PKHD1L1: variants seen among roughly 807,000 people sequenced by gnomAD.
PKHD1L1 encodes PKHD1 like 1.
Under a neutral mutation model 462.9 loss-of-function variants are expected in PKHD1L1, and 434 were observed. The ratio of observed to expected loss-of-function variants is 0.94; its 90% CI spans 0.87 to 1.02. PKHD1L1 has a LOEUF of 1.02. PKHD1L1 is among the 50% of genes least tolerant of loss of function. The pLI is 0.00. For synonymous variants in PKHD1L1, 1,781 were observed against 1,750.0 expected, an observed-to-expected ratio of 1.02 and a Z score of -0.44; for missense variants, 5,202 against 5,096.1, an observed-to-expected ratio of 1.02 and a Z score of -0.63.
chr8:109,536,478 AT>A lies in PKHD1L1; in HGVS notation c.*6391del, dbSNP rs2131078471. Among the ~76,000 whole-genome samples, 1 of 152,328 alleles carries A rather than the reference AT, an allele frequency of 6.6e-6. No individual in the cohort carries two copies. Among genetic ancestry groups the A allele is most frequent in the East Asian group, 1.9e-4 (1 of 5,190 alleles). On this transcript the variant is annotated 3_prime_UTR_variant, in exon 78 of 78. Transcript: ENST00000378402. ...ATGTTGGTTGTATGAATTTCAATAC[AT>A]TTACTGTTAGAAATAACAAAAGGTC...
In PKHD1L1 at chr8:109,536,963, T is replaced by C. The variant is rs919937323; in HGVS notation, c.*6873T>C. ...ATTTTGAGTATTAAAAAAGAAGTTA[T>C]AATTTTCCAGAATATTAATGTTTAT... On this transcript the variant is annotated 3_prime_UTR_variant, in exon 78 of 78. Coordinates refer to ENST00000378402, the MANE Select transcript of PKHD1L1 (RefSeq NM_177531.6). 2.6e-5 allele frequency among the ~76,000 whole-genome samples: 4 copies of C among 152,234 alleles called. No homozygotes were observed. Among genetic ancestry groups the C allele is most frequent in the African/African-American group, 7.2e-5 (3 of 41,468 alleles).
rs1299943089 is a variant in PKHD1L1, at chr8:109,498,391, G to A, written c.10600-71G>A. ...GCTGGGATTACAGGCGTGAGCCACC[G>A]CGCCCGGCCCATGTTTTCTTTTAGT... is the stretch of plus-strand genomic sequence containing the variant. On this transcript the variant is annotated intron_variant, in intron 65 of 77. Transcript: ENST00000378402. 8.9e-5 allele frequency: 42 copies of A among 471,498 alleles called. 8 individuals carry two copies. The highest frequency in any genetic ancestry group is 5.9e-4 in the Middle Eastern group (1 of 1,702). The allele number at this position is 471,498 out of a possible 1,614,324, so 29.2% of individuals were successfully genotyped here. A position where few individuals can be genotyped will look rare whatever the true frequency, so the allele number is the denominator to read the frequency against.
Position 109,400,255 on chromosome 8 carries a change from G to A in PKHD1L1, c.1192G>A (p.Ala398Thr), listed in dbSNP as rs1813204777. Reference sequence around the variant, plus strand: ...TGCACGCTTTAGTGGATTTTTGGTGGCTCCAGATTCTGATGTTTATAGATT... The same window carrying A: ...TGCACGCTTTAGTGGATTTTTGGTGACTCCAGATTCTGATGTTTATAGATT... ...FVARFSGFLV[A>T]PDSDVYRFYI... The change falls in exon 13 of 78, where the codon GCT (alanine) becomes ACT (threonine). Residue 398 changes from alanine to threonine, a missense_variant. By Grantham distance (58) the Ala-to-Thr change is moderately conservative (BLOSUM62 0). This residue lies in a region of PKHD1L1 where 4,497 missense variants were observed against 4,336.8 expected (regional missense o/e 1.04). Coordinates refer to ENST00000378402, the MANE Select transcript of PKHD1L1 (RefSeq NM_177531.6). The A allele has an allele frequency of 6.2e-7, 1 of 1,613,630 alleles. No individual in the cohort carries two copies. Among genetic ancestry groups the A allele is most frequent in the Non-Finnish European group, 8.5e-7 (1 of 1,179,672 alleles).
chr8:109,437,575 T>C (rs1476599159), intron 30 of PKHD1L1, among the ~76,000 whole-genome samples: 1 of 146,364 alleles, frequency 6.8e-6, no homozygotes, highest in African/African-American at 2.5e-5. Context: ...GAGACTCTGG[T>C]TTCCTTATTA....
At position 109,497,076 on chromosome 8, in the gene PKHD1L1, G is replaced by T. The variant is rs767835100; in HGVS notation, c.10476+9G>T. ...ATGGAATTTATTTTCAGGTAATTATGATTAAAGATGGTGATTGTTTATTTT... is the reference window on the plus strand; with the variant it reads ...ATGGAATTTATTTTCAGGTAATTATTATTAAAGATGGTGATTGTTTATTTT... On this transcript the variant is annotated intron_variant, in intron 64 of 77. Coordinates refer to ENST00000378402, the MANE Select transcript of PKHD1L1 (RefSeq NM_177531.6). The T allele has an allele frequency of 6.2e-7, 1 of 1,612,890 alleles. No homozygotes were observed. The highest frequency in any genetic ancestry group is 8.5e-7 in the Non-Finnish European group (1 of 1,179,236).
At chr8:109,430,084 C>A in intron 27 of PKHD1L1, 47 bp downstream of exon 27, 1 of 1,222,962 alleles carries the variant, frequency 8.2e-7, no homozygotes, top group Non-Finnish European at 1.2e-6. Flanking sequence ...AGATAATCAG[C>A]AAAATGTAAA....
Position 109,399,934 on chromosome 8 carries a change from G to A in PKHD1L1, c.1013-142G>A, listed in dbSNP as rs1813184892. The A allele has an allele frequency of 3.1e-5, 26 of 837,266 alleles. No individual in the cohort carries two copies. In the Admixed American group the frequency reaches 7.1e-4, roughly 23 times the overall value. 51.9% of individuals were successfully genotyped at this position (837,266 alleles called of 1,614,324 possible). On this transcript the variant is annotated intron_variant, in intron 12 of 77. Coordinates refer to ENST00000378402, the MANE Select transcript of PKHD1L1 (RefSeq NM_177531.6). Reference sequence around the variant, plus strand: ...CCCTCTGGCTGCAGATACGTGTAGGGGAATGTGTAATTGTTTTGTCTGCAC... The same window carrying A: ...CCCTCTGGCTGCAGATACGTGTAGGAGAATGTGTAATTGTTTTGTCTGCAC...
chr8:109,522,109 C>G (rs1251611427), intron 73 of PKHD1L1, 77 bp from the exon 74 acceptor site: 1 of 1,379,126 alleles, frequency 7.3e-7, no homozygotes, highest in African/African-American at 1.5e-5. Flanking sequence ...GCAAAGAATG[C>G]TAAAGTGAAA....
chr8:109,479,734 C>T (rs2061296), intron 54 of PKHD1L1, 95 bp downstream of exon 54: 19,066 of 965,548 alleles, frequency 0.02, 705 homozygotes, highest in African/African-American at 0.13. Context: ...CACACCTTTC[C>T]AAAAGAGCAA....
At chr8:109,464,006 C>A (rs1817278222) in intron 48 of PKHD1L1, among the ~76,000 whole-genome samples, 1 of 152,038 alleles carries the variant, frequency 6.6e-6, no homozygotes, top group Non-Finnish European at 1.5e-5. Context: ...TACATTCTTT[C>A]ATTCATTTTG....
chr8:109,479,741 G>A (rs1818178440), intron 54 of PKHD1L1, 102 bp downstream of exon 54: 1 of 914,432 alleles, frequency 1.1e-6, no homozygotes, highest in African/African-American at 1.7e-5. Flanking sequence ...TTCCAAAAGA[G>A]CAAGTGTGGA....
At position 109,396,072 on chromosome 8, in the gene PKHD1L1, C is replaced by T. The variant is rs1367001024; in HGVS notation, c.857C>T (p.Thr286Ile). Residue 286 changes from threonine (T) to isoleucine (I), a missense_variant, in exon 11 of 78, where the codon ACC (threonine) becomes ATC (isoleucine). Physicochemically the swap from Thr to Ile is moderately conservative, Grantham distance 89. Transcript: ENST00000378402. ...FPSQGSIRGG[T>I]TLTISGRFFD... ...TCACAAGGAAGCATTCGAGGTGGCA[C>T]CACGCTGACAATAAGTGGGCGTTTC... 1.9e-6 allele frequency: 3 copies of T among 1,608,698 alleles called. No individual in the cohort carries two copies. The African/African-American group carries it at 4.0e-5, about 22-fold the overall frequency.
At chr8:109,438,715 A>G (rs1479677442) in intron 31 of PKHD1L1, among the ~76,000 whole-genome samples, 182 bp from the exon 32 acceptor site, 3 of 151,964 alleles carry the variant, frequency 2.0e-5, no homozygotes, top group Admixed American at 1.3e-4. Flanking sequence ...AATTGAATGT[A>G]CATTTCATCC....
intron 46 of PKHD1L1, among the ~76,000 whole-genome samples, chr8:109,458,762 T>G (rs1216158933): frequency 3.9e-5 from 6 of 152,118 alleles, no homozygotes. Flanking sequence ...TAGGCTTACC[T>G]TTGTTAACAG....
At chr8:109,402,497 T>C (rs1813322392) in intron 14 of PKHD1L1, among the ~76,000 whole-genome samples, 1 of 152,188 alleles carries the variant, frequency 6.6e-6, no homozygotes, top group East Asian at 1.9e-4. Context: ...CTAGCCCCGG[T>C]TTGTCACATT....
chr8:109,470,848 T>C, intron 50 of PKHD1L1: 1 of 1,511,790 alleles, frequency 6.6e-7, no homozygotes, highest in South Asian at 1.2e-5. Context: ...TTGGATAAGT[T>C]CTTTAGCAGG....
chr8:109,439,987 C>T (rs1386646510), intron 32 of PKHD1L1, among the ~76,000 whole-genome samples: 2 of 151,980 alleles, frequency 1.3e-5, no homozygotes, highest in Non-Finnish European at 2.9e-5. Context: ...TGTAGCTTGA[C>T]CATATAATGG....
In PKHD1L1 at chr8:109,413,690, A is replaced by G. The variant is rs138629985; in HGVS notation, c.2360+145A>G. 63 of 495,542 alleles carry G rather than the reference A, an allele frequency of 1.3e-4. No individual in the cohort carries two copies. In the Middle Eastern group the frequency reaches 4.3e-3, roughly 34 times the overall value. The allele number at this position is 495,542 out of a possible 1,614,324, so 30.7% of individuals were successfully genotyped here. ...AATGCACACAATGGATGTAAATGGCAGTTTTCCTATCTTACACATGTACAT... is the reference window on the plus strand; with the variant it reads ...AATGCACACAATGGATGTAAATGGCGGTTTTCCTATCTTACACATGTACAT... On this transcript the variant is annotated intron_variant, in intron 21 of 77. Coordinates refer to ENST00000378402, the MANE Select transcript of PKHD1L1 (RefSeq NM_177531.6).
At chr8:109,415,124 C>G (rs1814079615) in intron 21 of PKHD1L1, among the ~76,000 whole-genome samples, 1 of 151,746 alleles carries the variant, frequency 6.6e-6, no homozygotes, top group Admixed American at 6.6e-5. Flanking sequence ...CAGCCTCCCC[C>G]CACAAGTAGC....
Sources: gnomAD v4.1 joint callset for allele counts (sites outside exome capture counted in the v4.1 genomes callset) on GRCh38, gnomAD v4.1.1 for gene constraint, gnomAD v4.1.1 regional missense constraint, MANE v1.5 for transcripts, NCBI Gene and HGNC (gene_info 2026-07-23, HGNC 2026-07-21) for gene names.